The following RBFOX1 variants were observed in gnomAD, a reference collection of about 807,000 sequenced individuals.
RBFOX1 encodes RNA binding fox-1 homolog 1.
RBFOX1 carries 8 observed loss-of-function variants against 57.7 expected under a neutral mutation model. The ratio of observed to expected loss-of-function variants is 0.14; its 90% confidence interval spans 0.08 to 0.25. The LOEUF is 0.25. Ranked by LOEUF, RBFOX1 falls within the 10% of genes least tolerant of loss-of-function variation. The probability of loss-of-function intolerance (pLI) is 1.00; values close to 1 mark genes in which losing one functional copy is unlikely to be tolerated. For synonymous variants in RBFOX1, 326 were observed against 222.4 expected (o/e 1.47, Z -4.15); for missense variants, 611 against 548.5 (o/e 1.11, Z -1.14).
chr16:5,890,914 C>A (rs535994142), intron 4 of RBFOX1, among the ~76,000 whole-genome samples: 2 of 152,244 alleles, frequency 1.3e-5, no homozygotes, highest in African/African-American at 2.4e-5. Context: ...CATTTTCTCT[C>A]ATTGGATACA....
At chr16:7,040,650 G>C (rs550745805) in intron 3 of RBFOX1, among the ~76,000 whole-genome samples, 3 of 152,026 alleles carry the variant, frequency 2.0e-5, no homozygotes, top group Non-Finnish European at 4.4e-5. Flanking sequence ...CTTTTTTCCA[G>C]GTATAAATGG....
chr16:5,261,109 C>T (rs964633228), intron 1 of RBFOX1: 11 of 152,180 alleles, frequency 7.2e-5, no homozygotes, highest in African/African-American at 9.7e-5. Flanking sequence ...TTTAAAACCA[C>T]GTTTCAATTT....
At chr16:6,285,255 C>T (rs751952222) in intron 1 of RBFOX1, among the ~76,000 whole-genome samples, 15 of 152,060 alleles carry the variant, frequency 9.9e-5, no homozygotes, top group Admixed American at 7.2e-4. Context: ...GAAGTAGATT[C>T]TGCATAAGCC....
At chr16:6,873,719 C>A (rs1483556184) in intron 3 of RBFOX1, among the ~76,000 whole-genome samples, 1 of 152,176 alleles carries the variant, frequency 6.6e-6, no homozygotes, top group South Asian at 2.1e-4. Context: ...CTATCATCCT[C>A]TCATTGTCGT....
chr16:6,102,561 C>G (rs369756070), intron 1 of RBFOX1, among the ~76,000 whole-genome samples: 37 of 152,134 alleles, frequency 2.4e-4, no homozygotes, highest in African/African-American at 8.9e-4. Flanking sequence ...CTCTCTCTCT[C>G]TCCACCCTCC....
chr16:5,267,929 A>G (rs2062902708), intron 1 of RBFOX1, among the ~76,000 whole-genome samples: 1 of 152,180 alleles, frequency 6.6e-6, no homozygotes, highest in Admixed American at 6.5e-5. Flanking sequence ...AAATACAAAA[A>G]TTAGCTTGGC....
At chr16:6,525,795 C>T (rs1379145896) in intron 2 of RBFOX1, among the ~76,000 whole-genome samples, 1 of 152,016 alleles carries the variant, frequency 6.6e-6, no homozygotes, top group Admixed American at 6.6e-5. Context: ...GAATCCCATT[C>T]ATGAGAGCTT....
At chr16:5,370,794 C>G (rs2065839129) in intron 1 of RBFOX1, among the ~76,000 whole-genome samples, 1 of 151,630 alleles carries the variant, frequency 6.6e-6, no homozygotes, top group Non-Finnish European at 1.5e-5. Flanking sequence ...TGCCTGGCCT[C>G]TTCCTCTTCC....
At chr16:7,710,507 G>A in intron 15 of RBFOX1, 116 bp from the exon 16 acceptor site, 2 of 1,568,344 alleles carry the variant, frequency 1.3e-6, no homozygotes, top group Non-Finnish European at 8.6e-7. Flanking sequence ...ATGGGTAGGG[G>A]GTGCCTCCAT....
chr16:6,426,879 A>T (rs2093944061), intron 2 of RBFOX1, among the ~76,000 whole-genome samples: 3 of 152,210 alleles, frequency 2.0e-5, no homozygotes. Context: ...AAACTTCTTG[A>T]GCATTTGGGG....
chr16:6,338,626 G>C lies in RBFOX1; in HGVS notation c.-64+21569G>C, dbSNP rs150827823. Among the ~76,000 whole-genome samples the C allele has an allele frequency of 7.8e-3, 1,189 of 152,260 alleles. 10 individuals carry two copies. The highest frequency in any genetic ancestry group is 0.027 in the African/African-American group (1,135 of 41,540). ...GCTTTCTCTTAAAGAGTACTTTAAA[G>C]GTTAGAAATCCACAACAGTGGCTAC... On this transcript the variant is annotated intron_variant, in intron 2 of 15. Coordinates refer to ENST00000550418, the MANE Select transcript of RBFOX1 (RefSeq NM_018723.4).
At chr16:6,584,126 A>G (rs2097573502) in intron 2 of RBFOX1, among the ~76,000 whole-genome samples, 1 of 151,884 alleles carries the variant, frequency 6.6e-6, no homozygotes. Context: ...AGAGTCTCCT[A>G]ATGTATTCTG....
intron 3 of RBFOX1, among the ~76,000 whole-genome samples, chr16:6,900,679 C>A (rs2068248781): frequency 6.6e-6 from 1 of 152,190 alleles, no homozygotes; most frequent in African/African-American, 2.4e-5. Flanking sequence ...CATCACTATT[C>A]ATTCTTCTGG....
intron 2 of RBFOX1, among the ~76,000 whole-genome samples, chr16:5,511,761 C>T (rs372921977): frequency 3.9e-5 from 6 of 152,208 alleles, no homozygotes; most frequent in Non-Finnish European, 8.8e-5. Context: ...ACCTCCTATT[C>T]ACCATGTGAT....
chr16:6,994,562 T>C (rs1299807147), intron 3 of RBFOX1, among the ~76,000 whole-genome samples: 2 of 152,176 alleles, frequency 1.3e-5, no homozygotes, highest in Non-Finnish European at 2.9e-5. Flanking sequence ...AAAACCTAGC[T>C]AAAATTTCAT....
intron 1 of RBFOX1, among the ~76,000 whole-genome samples, chr16:6,023,379 C>T (rs2095123202): frequency 6.6e-6 from 1 of 152,078 alleles, no homozygotes; most frequent in African/African-American, 2.4e-5. Flanking sequence ...GTCCTTTTAG[C>T]TCGAACCATC....
At chr16:7,140,598 A>G (rs748842469) in intron 4 of RBFOX1, among the ~76,000 whole-genome samples, 4 of 152,172 alleles carry the variant, frequency 2.6e-5, no homozygotes, top group Non-Finnish European at 4.4e-5. Flanking sequence ...TTTTAAAGGA[A>G]TGAATAAAAG....
chr16:7,324,643 G>A (rs2096587860), intron 4 of RBFOX1, among the ~76,000 whole-genome samples: 1 of 152,218 alleles, frequency 6.6e-6, no homozygotes, highest in African/African-American at 2.4e-5. Context: ...AGGAGAATCA[G>A]GTCAGGAAGC....
chr16:6,639,001 G>C (rs2098465699), intron 2 of RBFOX1, among the ~76,000 whole-genome samples: 1 of 152,190 alleles, frequency 6.6e-6, no homozygotes, highest in African/African-American at 2.4e-5. Context: ...GAGTTCAAGT[G>C]AATCCTGAAA....
Sources: allele counts gnomAD v4.1 joint callset (sites outside exome capture counted in the v4.1 genomes callset), GRCh38; gene constraint gnomAD v4.1.1; transcripts MANE v1.5; gene names NCBI Gene and HGNC (gene_info 2026-07-23, HGNC 2026-07-21).